Variants in BNC2 observed in about 807,000 individuals in gnomAD.
BNC2 encodes the protein basonuclin zinc finger protein 2, also known as zinc finger protein basonuclin-2.
BNC2 carries 20 observed loss-of-function variants against 76.3 expected under a neutral mutation model. That is an observed-to-expected ratio of 0.26 (90% CI 0.18 to 0.38). The LOEUF is 0.38. Ranked by LOEUF, BNC2 falls within the 10% of genes least tolerant of loss-of-function variation. The pLI is 1.00. For missense variants in BNC2, 1,382 were observed against 1,399.8 expected, an observed-to-expected ratio of 0.99 and a Z score of 0.20; for synonymous variants, 582 against 514.8, an observed-to-expected ratio of 1.13 and a Z score of -1.77.
chr9:16,572,667 G>A (rs867289462), intron 4 of BNC2, among the ~76,000 whole-genome samples: 1 of 152,104 alleles, frequency 6.6e-6, no homozygotes, highest in Non-Finnish European at 1.5e-5. Context: ...TGGTGGTGCA[G>A]AGGGGAGTAA....
At chr9:16,753,267 A>G (rs1322482777) in intron 1 of BNC2, among the ~76,000 whole-genome samples, 1 of 152,258 alleles carries the variant, frequency 6.6e-6, no homozygotes, top group Non-Finnish European at 1.5e-5. Context: ...GTAAATTTCT[A>G]TATAAATTTG....
At chr9:16,493,944 G>A (rs937018722) in intron 5 of BNC2, among the ~76,000 whole-genome samples, 2 of 152,124 alleles carry the variant, frequency 1.3e-5, no homozygotes, top group Non-Finnish European at 2.9e-5. Context: ...GATGACACAC[G>A]AGGGTAGAGA....
At position 16,757,893 on chromosome 9, in the gene BNC2, T is replaced by C. The variant is rs542113542; in HGVS notation, c.4-19408A>G. Among the ~76,000 whole-genome samples, 44 of 152,326 alleles carry C rather than the reference T, an allele frequency of 2.9e-4. No individual in the cohort carries two copies. In the South Asian group the frequency reaches 7.9e-3, roughly 27 times the overall value. Reference sequence around the variant, plus strand: ...TTTAGAGAGTTTGGTGATAATTTTATTCAAGAAATTACAAACACAAAGCAA... The same window carrying C: ...TTTAGAGAGTTTGGTGATAATTTTACTCAAGAAATTACAAACACAAAGCAA... On this transcript the variant is annotated intron_variant, in intron 1 of 6. Coordinates refer to ENST00000380672, the MANE Select transcript of BNC2 (RefSeq NM_017637.6).
At chr9:16,703,656 A>G (rs1320054526) in intron 3 of BNC2, among the ~76,000 whole-genome samples, 1 of 152,194 alleles carries the variant, frequency 6.6e-6, no homozygotes, top group Non-Finnish European at 1.5e-5. Flanking sequence ...AAACACCATT[A>G]GTCAGATTAA....
At position 16,726,187 on chromosome 9, in the gene BNC2, G is replaced by C. The variant is rs922363742; in HGVS notation, c.330+1610C>G. Among the ~76,000 whole-genome samples, 34 of 152,312 alleles carry C rather than the reference G, an allele frequency of 2.2e-4. 1 individual carries two copies. The highest frequency in any genetic ancestry group is 7.0e-4 in the African/African-American group (29 of 41,574). On this transcript the variant is annotated intron_variant, in intron 3 of 6. Coordinates refer to ENST00000380672, the MANE Select transcript of BNC2 (RefSeq NM_017637.6). ...TCTCACAGCGCTCTGCAGTGACAAG[G>C]AGCATCTCTGTGTGGAAATGAACTT...
chr9:16,454,870 A>G (rs1821414487), intron 5 of BNC2, among the ~76,000 whole-genome samples: 1 of 152,220 alleles, frequency 6.6e-6, no homozygotes. Flanking sequence ...CATCTTTCTG[A>G]AAATATTTTA....
At chr9:16,616,837 A>AAGGAAGTT (rs1431416345) in intron 3 of BNC2, among the ~76,000 whole-genome samples, 6 of 149,932 alleles carry the variant, frequency 4.0e-5, no homozygotes, top group Admixed American at 3.3e-4. Context: ...GGAAGGAAGG[A>AAGGAAGTT]AGTTCTACTG....
chr9:16,573,863 A>G (rs1475408170), intron 4 of BNC2, among the ~76,000 whole-genome samples: 1 of 152,230 alleles, frequency 6.6e-6, no homozygotes, highest in Non-Finnish European at 1.5e-5. Flanking sequence ...ATAAACATCT[A>G]CAAAGGCAAA....
intron 5 of BNC2, among the ~76,000 whole-genome samples, chr9:16,532,568 A>T (rs1818015613): frequency 6.6e-6 from 1 of 152,230 alleles, no homozygotes; most frequent in Non-Finnish European, 1.5e-5. Context: ...ATTGCTAAAC[A>T]TTCGGAAATT....
intron 3 of BNC2, among the ~76,000 whole-genome samples, chr9:16,616,890 G>T (rs931741029): frequency 5.9e-5 from 9 of 151,692 alleles, no homozygotes; most frequent in Admixed American, 2.0e-4. Context: ...GCATTTCATA[G>T]TATGTTCTTT....
chr9:16,777,215 C>T (rs539160480), intron 1 of BNC2, among the ~76,000 whole-genome samples: 2 of 151,822 alleles, frequency 1.3e-5, no homozygotes, highest in East Asian at 3.9e-4. Flanking sequence ...CAGACAAAGG[C>T]AAGAAGAGTC....
intron 1 of BNC2, among the ~76,000 whole-genome samples, chr9:16,793,860 GTTTTTTTGTTTTT>G (rs997237022): frequency 2.1e-5 from 2 of 97,352 alleles, no homozygotes. Flanking sequence ...TGTGGTTTTT[GTTTTTTTGTTTTT>G]TTTTTTTTTT....
At chr9:16,794,431 G>T (rs947137312) in intron 1 of BNC2, among the ~76,000 whole-genome samples, 12 of 152,158 alleles carry the variant, frequency 7.9e-5, no homozygotes, top group Non-Finnish European at 1.3e-4. Flanking sequence ...GCCACCCCCA[G>T]CCACCTGGGA....
Position 16,409,961 on chromosome 9 carries a change from G to A in BNC2, c.*9028C>T, listed in dbSNP as rs1820427015. 1 of 152,404 alleles carries A rather than the reference G, an allele frequency of 6.6e-6. No individual in the cohort carries two copies. Among genetic ancestry groups the A allele is most frequent in the East Asian group, 1.9e-4 (1 of 5,180 alleles). The allele number at this position is 152,404 out of a possible 1,614,324, so 9.4% of individuals were successfully genotyped here. On this transcript the variant is annotated 3_prime_UTR_variant, in exon 7 of 7. Coordinates refer to ENST00000380672, the MANE Select transcript of BNC2 (RefSeq NM_017637.6). ...AATAAACAGCTAAACTCTGGGAGAG[G>A]GAGAGGACATATCTTAGTGAAAATT...
intron 3 of BNC2, among the ~76,000 whole-genome samples, chr9:16,588,232 T>C (rs1428915849): frequency 1.3e-5 from 2 of 152,238 alleles, no homozygotes; most frequent in East Asian, 3.8e-4. Flanking sequence ...CAACCATTTA[T>C]GGCCACAAGA....
chr9:16,866,884 G>A (rs765390467), intron 1 of BNC2, among the ~76,000 whole-genome samples: 17 of 152,026 alleles, frequency 1.1e-4, no homozygotes, highest in East Asian at 3.9e-4. Flanking sequence ...GATTTGAGGA[G>A]GCTACCTCCC....
chr9:16,658,167 TCA>T (rs1477514682), intron 3 of BNC2, among the ~76,000 whole-genome samples: 2 of 152,166 alleles, frequency 1.3e-5, no homozygotes, highest in Non-Finnish European at 2.9e-5. Flanking sequence ...ATTCTCCAAA[TCA>T]GTAATACATG....
chr9:16,651,941 G>A (rs1311806194), intron 3 of BNC2, among the ~76,000 whole-genome samples: 5 of 152,174 alleles, frequency 3.3e-5, no homozygotes, highest in Non-Finnish European at 7.3e-5. Flanking sequence ...TGAGTGTTCA[G>A]ATCTTAAACC....
At chr9:16,528,452 C>A (rs1817878284) in intron 5 of BNC2, among the ~76,000 whole-genome samples, 1 of 152,122 alleles carries the variant, frequency 6.6e-6, no homozygotes, top group Admixed American at 6.5e-5. Context: ...TTGAGAGGAA[C>A]AACTTCCACT....
Sources: allele counts gnomAD v4.1 joint callset (sites outside exome capture counted in the v4.1 genomes callset), GRCh38; gene constraint gnomAD v4.1.1; transcripts MANE v1.5; gene names NCBI Gene and HGNC (gene_info 2026-07-23, HGNC 2026-07-21).